The following TNK2 variants were observed in gnomAD, a reference collection of about 807,000 sequenced individuals.
TNK2 encodes tyrosine kinase non receptor 2, also known as activated CDC42 kinase 1.
In TNK2, 83 loss-of-function variants were observed where a neutral mutation model predicts 101.8. That is an observed-to-expected ratio of 0.82 (90% CI 0.68 to 0.98). TNK2 has a LOEUF of 0.98. TNK2 is among the 50% of genes least tolerant of loss of function. The pLI is 0.00. For synonymous variants in TNK2, 804 were observed against 633.0 expected (o/e 1.27, Z -4.06); for missense variants, 1,665 against 1,483.2 (o/e 1.12, Z -2.01).
rs755813435 is a variant in TNK2 at position 195,888,365 on chromosome 3, C to A, written c.163+61G>T. ...AGCTGCCACCCGTGCACCGAGTGGTCCTGAGGACAGAGGACGGAAAGGGTC... is the reference window on the plus strand; with the variant it reads ...AGCTGCCACCCGTGCACCGAGTGGTACTGAGGACAGAGGACGGAAAGGGTC... On this transcript the variant is annotated intron_variant, in intron 2 of 15. Coordinates refer to ENST00000672887, the MANE Select transcript of TNK2 (RefSeq NM_001382273.1). This position sits in a 1 kb window ranked among gnomAD's most constrained non-coding sequence, Gnocchi z 5.3. 79 of 1,572,196 alleles carry A rather than the reference C, an allele frequency of 5.0e-5. No individual in the cohort carries two copies. The highest frequency in any genetic ancestry group is 1.7e-4 in the Middle Eastern group (1 of 5,772).
At chr3:195,887,290 C>T (rs1756118581) in intron 2 of TNK2, among the ~76,000 whole-genome samples, 1 of 152,226 alleles carries the variant, frequency 6.6e-6, no homozygotes, top group African/African-American at 2.4e-5. Flanking sequence ...TGGGCTTCTC[C>T]CAGTTCTCAG....
intron 4 of TNK2, chr3:195,883,607 A>G (rs1299342163): frequency 3.4e-6 from 1 of 293,552 alleles, no homozygotes. Flanking sequence ...GAATATTCAA[A>G]TGTTATAAAA....
At position 195,895,466 on chromosome 3, in the gene TNK2, C is replaced by A. The variant is rs576062124; in HGVS notation, c.-18-6860G>T. On this transcript the variant is annotated intron_variant, in intron 1 of 15. Coordinates refer to ENST00000672887, the MANE Select transcript of TNK2 (RefSeq NM_001382273.1). ...TGCGTCTCAGCCCCCATAGCCTCAT[C>A]CGCCATCGGCCGGCGGCCGGGTGGT... 12 of 1,383,070 alleles carry A rather than the reference C, an allele frequency of 8.7e-6. No homozygotes were observed. In the African/African-American group the frequency reaches 1.8e-4, roughly 21 times the overall value. The allele number at this position is 1,383,070 out of a possible 1,614,324, so 85.7% of individuals were successfully genotyped here.
At chr3:195,896,496 G>GTA (rs1415173707) in intron 1 of TNK2, among the ~76,000 whole-genome samples, 2 of 152,196 alleles carry the variant, frequency 1.3e-5, no homozygotes, top group Non-Finnish European at 2.9e-5. Flanking sequence ...CTTCTATGCT[G>GTA]TACAGAAGCT....
At position 195,886,643 on chromosome 3, in the gene TNK2, C is replaced by A. The variant is rs540723147; in HGVS notation, c.234+334G>T. Among the ~76,000 whole-genome samples, 1 of 152,292 alleles carries A rather than the reference C, an allele frequency of 6.6e-6. No individual in the cohort carries two copies. The highest frequency in any genetic ancestry group is 1.5e-5 in the Non-Finnish European group (1 of 68,032). On this transcript the variant is annotated intron_variant, in intron 3 of 15. Transcript: ENST00000672887. The surrounding 1 kb of genome is among the most constrained non-coding windows in gnomAD (Gnocchi z 4.2). ...GTCCAGACAGGTCCACCACCCCACGCTGGACACTGGCCCCAACGCTCAGAC... is the reference window on the plus strand; with the variant it reads ...GTCCAGACAGGTCCACCACCCCACGATGGACACTGGCCCCAACGCTCAGAC...
rs765269858 is a variant in TNK2, at chr3:195,867,752, TG to T, written c.2545del (p.Gln849ArgfsTer139). ...DPKYATPQVI[Q>X]APGPRAGPCI... Reference sequence around the variant, plus strand: ...GGGACCAGCCCGCGGGCCAGGGGCCTGGATCACCTGGGGGGTGGCGTACTTG... The same window carrying T: ...GGGACCAGCCCGCGGGCCAGGGGCCTGATCACCTGGGGGGTGGCGTACTTG... On this transcript the variant is annotated frameshift_variant, in exon 13 of 16. Coordinates refer to ENST00000672887, the MANE Select transcript of TNK2 (RefSeq NM_001382273.1). LOFTEE classifies it high-confidence loss of function. 6.3e-7 allele frequency: 1 copy of T among 1,595,136 alleles called. No individual in the cohort carries two copies. The highest frequency in any genetic ancestry group is 8.5e-7 in the Non-Finnish European group (1 of 1,171,946).
At chr3:195,871,969 T>TGGAGAACATTCCCCC (rs1560488727) in intron 10 of TNK2, among the ~76,000 whole-genome samples, 1 of 123,428 alleles carries the variant, frequency 8.1e-6, no homozygotes, top group African/African-American at 3.4e-5. Flanking sequence ...AACCCTCCCC[T>TGGAGAACATTCCCCC]GGAGAACCCT....
intron 1 of TNK2, chr3:195,892,527 T>C: frequency 6.5e-7 from 1 of 1,531,048 alleles, no homozygotes; most frequent in Non-Finnish European, 8.7e-7. Context: ...TCACTGGGGA[T>C]CCAGTGGCCT....
Position 195,868,585 on chromosome 3 carries a change from C to T in TNK2, c.1713G>A (p.Pro571=), listed in dbSNP as rs553535611. The change falls in exon 13 of 16, where the codon CCG becomes CCA. Residue 571 remains proline, a synonymous_variant. Coordinates refer to ENST00000672887, the MANE Select transcript of TNK2 (RefSeq NM_001382273.1). ...LWLAKPSARV[P]GTKASRGSGA... The stretch of plus-strand genomic sequence containing the variant: ...CGCTGCCTCGGCTGGCCTTGGTGCC[C>T]GGCACCCGCGCCGAGGGCTTCGCCA... The T allele has an allele frequency of 4.8e-5, 76 of 1,573,542 alleles. No homozygotes were observed. Among genetic ancestry groups the T allele is most frequent in the Admixed American group, 9.1e-5 (5 of 55,228 alleles).
In TNK2 at chr3:195,884,972, C is replaced by T. The variant is rs113498671; in HGVS notation, c.296G>A (p.Arg99Gln). ...FPPHHSQSTF[R>Q]KTSPAPGGPA... ...GCCCCCAGGGGCGGGCGAGGTCTTC[C>T]GGAAGGTGCTCTGAGAGTGATGAGG... Residue 99 changes from arginine (R) to glutamine (Q), a missense_variant, in exon 4 of 16, where the codon CGG (arginine) becomes CAG (glutamine). This residue lies in a region of TNK2 where 490 missense variants were observed against 522.5 expected (regional missense o/e 0.94). Coordinates refer to ENST00000672887, the MANE Select transcript of TNK2 (RefSeq NM_001382273.1). 9.3e-6 allele frequency: 15 copies of T among 1,613,784 alleles called. No homozygotes were observed. Among genetic ancestry groups the T allele is most frequent in the Middle Eastern group, 1.7e-4 (1 of 6,056 alleles).
intron 1 of TNK2, chr3:195,895,179 C>G (rs1760081532): frequency 7.1e-7 from 1 of 1,411,930 alleles, no homozygotes; most frequent in Non-Finnish European, 9.3e-7. Flanking sequence ...AGGGCTGAGC[C>G]CGGCTCACAG....
In TNK2 at chr3:195,867,386, C is replaced by T. The variant is rs773077514; in HGVS notation, c.2912G>A (p.Gly971Asp). Residue 971 changes from glycine to aspartate, a missense_variant, in exon 13 of 16, where the codon GGC (glycine) becomes GAC (aspartate). Gly to Asp is a moderately conservative substitution (Grantham distance 94). Transcript: ENST00000672887. ...CATCTGGATCTTGTCTGCTGGCCGG[C>T]CCGCCTCTGGCCCATCGCCAGGGCA... is the stretch of plus-strand genomic sequence containing the variant. ...RGCPGDGPEA[G>D]RPADKIQMLQ... The T allele has an allele frequency of 2.5e-6, 4 of 1,605,810 alleles. No individual in the cohort carries two copies. In the South Asian group the frequency reaches 4.4e-5, roughly 18 times the overall value.
chr3:195,866,782 C>G, intron 15 of TNK2, 107 bp downstream of exon 15: 1 of 1,473,450 alleles, frequency 6.8e-7, no homozygotes, highest in Non-Finnish European at 9.1e-7. Context: ...AGCTGTGTCT[C>G]CCTGGCCGGG....
chr3:195,869,383 A>ACTCCCCCCCCCCCCCC, intron 12 of TNK2, 114 bp downstream of exon 12: 1 of 1,052,610 alleles, frequency 9.5e-7, no homozygotes, highest in Non-Finnish European at 1.4e-6. Context: ...CTCACAGCAC[A>ACTCCCCCCCCCCCCCC]CACCCACCCA....
At chr3:195,871,013 G>A (rs1744882435) in intron 10 of TNK2, among the ~76,000 whole-genome samples, 1 of 150,166 alleles carries the variant, frequency 6.7e-6, no homozygotes, top group Admixed American at 6.6e-5. Context: ...GGGTTCTGGT[G>A]TGTGGGGGCC....
intron 10 of TNK2, 89 bp downstream of exon 10, chr3:195,872,186 GA>G (rs1745936616): frequency 7.0e-7 from 1 of 1,419,418 alleles, no homozygotes; most frequent in Admixed American, 2.1e-5. Context: ...GCGAAAGGGT[GA>G]AGAGCAGATT....
rs1344473140 is a variant in TNK2, at chr3:195,884,947, G to A, written c.321C>T (p.Gly107=). 1 of 1,613,846 alleles carries A rather than the reference G, an allele frequency of 6.2e-7. No individual in the cohort carries two copies. Among genetic ancestry groups the A allele is most frequent in the Admixed American group, 1.7e-5 (1 of 59,990 alleles). ...TFRKTSPAPG[G]PAGEGPLQSL... is the part of the protein sequence containing the mutation. Reference sequence around the variant, plus strand: ...TCTGCAGGGGCCCCTCCCCTGCTGGGCCCCCAGGGGCGGGCGAGGTCTTCC... The same window carrying A: ...TCTGCAGGGGCCCCTCCCCTGCTGGACCCCCAGGGGCGGGCGAGGTCTTCC... Residue 107 remains glycine (G), a synonymous_variant, in exon 4 of 16, where the codon GGC becomes GGT. Transcript: ENST00000672887.
chr3:195,891,880 G>C (rs1425610658), intron 1 of TNK2: 2 of 980,620 alleles, frequency 2.0e-6, no homozygotes, highest in Non-Finnish European at 2.4e-6. Flanking sequence ...AGCCCGGCCT[G>C]TTCCCTCTCC....
rs1020107969 is a variant in TNK2, at chr3:195,873,506, C to T, written c.1257-1036G>A. 2.6e-5 allele frequency among the ~76,000 whole-genome samples: 4 copies of T among 151,582 alleles called. No homozygotes were observed. The South Asian group carries it at 6.2e-4, about 24-fold the overall frequency. The stretch of plus-strand genomic sequence containing the variant: ...TGGGCAGTGTCTGGGCAGGCGGGGG[C>T]GGTGACAGCCCCGTGGGCAGAGTCT... On this transcript the variant is annotated intron_variant, in intron 9 of 15. Transcript: ENST00000672887.
Sources: allele counts gnomAD v4.1 joint callset (sites outside exome capture counted in the v4.1 genomes callset), GRCh38; gene constraint gnomAD v4.1.1; regional missense constraint gnomAD v4.1.1; non-coding constraint Gnocchi (gnomAD v3.1); transcripts MANE v1.5; gene names NCBI Gene and HGNC (gene_info 2026-07-23, HGNC 2026-07-21).